Variants in DSCAM observed in about 807,000 individuals in gnomAD.
The protein encoded by DSCAM is DS cell adhesion molecule, also known as cell adhesion molecule DSCAM.
A neutral mutation model predicts 217.7 loss-of-function variants in DSCAM; 47 were observed. The ratio of observed to expected loss-of-function variants is 0.22; its 90% CI spans 0.17 to 0.28. DSCAM has a LOEUF of 0.28. DSCAM is among the 10% of genes least tolerant of loss of function. DSCAM has a pLI of 1.00. For synonymous variants in DSCAM, 1,056 were observed against 1,015.3 expected (o/e 1.04, Z -0.76); for missense variants, 2,080 against 2,618.3 (o/e 0.79, Z 4.49).
intron 1 of DSCAM, among the ~76,000 whole-genome samples, chr21:40,711,223 G>T (rs920301358): frequency 6.6e-6 from 1 of 152,194 alleles, no homozygotes; most frequent in Non-Finnish European, 1.5e-5. Context: ...TGTGCTTCCA[G>T]ATCTAGTCTT....
chr21:40,618,306 G>A (rs571860585), intron 3 of DSCAM, among the ~76,000 whole-genome samples: 3 of 152,340 alleles, frequency 2.0e-5, no homozygotes, highest in East Asian at 1.9e-4. Context: ...TGAGCTCTCC[G>A]TGGTCTTTGC....
At chr21:40,578,216 G>A (rs1194811744) in intron 3 of DSCAM, among the ~76,000 whole-genome samples, 1 of 152,082 alleles carries the variant, frequency 6.6e-6, no homozygotes, top group Non-Finnish European at 1.5e-5. Context: ...TCTGTGAATA[G>A]CCCAGAGACA....
chr21:40,370,902 C>T lies in DSCAM; in HGVS notation c.509-1657G>A, dbSNP rs1181403265. On this transcript the variant is annotated intron_variant, in intron 3 of 32. Transcript: ENST00000400454. ...CTCCCAAAGTGCCAGGGAGTGTAAT[C>T]CCTCCCAAAGTGGGATTACAGGCAT... is the stretch of plus-strand genomic sequence containing the variant. 2.6e-5 allele frequency among the ~76,000 whole-genome samples: 4 copies of T among 152,028 alleles called. No homozygotes were observed. The East Asian group carries it at 7.7e-4, about 29-fold the overall frequency.
intron 11 of DSCAM, among the ~76,000 whole-genome samples, chr21:40,213,470 C>T (rs2091206378): frequency 6.6e-6 from 1 of 152,246 alleles, no homozygotes; most frequent in Non-Finnish European, 1.5e-5. Flanking sequence ...GTTAGGAAGT[C>T]TTGTTTCCAC....
intron 11 of DSCAM, among the ~76,000 whole-genome samples, chr21:40,210,910 C>T (rs547783451): frequency 3.0e-4 from 46 of 152,122 alleles, no homozygotes; most frequent in Non-Finnish European, 5.1e-4. Flanking sequence ...TAGGTGTATA[C>T]TTCCGTTTAA....
chr21:40,761,170 T>C (rs1406153072), intron 1 of DSCAM, among the ~76,000 whole-genome samples: 1 of 152,186 alleles, frequency 6.6e-6, no homozygotes, highest in African/African-American at 2.4e-5. Context: ...GACTTTATCA[T>C]CCTTGAGTCT....
intron 26 of DSCAM, among the ~76,000 whole-genome samples, chr21:40,075,563 T>C (rs538205991): frequency 2.6e-5 from 4 of 152,304 alleles, no homozygotes; most frequent in Middle Eastern, 3.4e-3. Context: ...CACAGTACAA[T>C]TGATAGAGAC....
intron 32 of DSCAM, among the ~76,000 whole-genome samples, chr21:40,027,615 A>C (rs2088418237): frequency 1.7e-5 from 1 of 57,836 alleles, no homozygotes; most frequent in Non-Finnish European, 3.4e-5. Flanking sequence ...TTCTTGCTTC[A>C]TTTCATTCAT....
At chr21:40,481,819 A>G (rs867146029) in intron 3 of DSCAM, among the ~76,000 whole-genome samples, 3 of 152,198 alleles carry the variant, frequency 2.0e-5, no homozygotes, top group South Asian at 2.1e-4. Flanking sequence ...CTCTCCATCC[A>G]TAACAACCCG....
At chr21:40,275,019 G>A (rs553455693) in intron 11 of DSCAM, among the ~76,000 whole-genome samples, 6 of 151,946 alleles carry the variant, frequency 3.9e-5, no homozygotes, top group Non-Finnish European at 5.9e-5. Flanking sequence ...CAGAATTAAA[G>A]TTAAAAAAAA....
chr21:40,208,539 G>A (rs1277143039), intron 11 of DSCAM, among the ~76,000 whole-genome samples: 1 of 152,188 alleles, frequency 6.6e-6, no homozygotes, highest in Non-Finnish European at 1.5e-5. Context: ...CTGAGCTGTT[G>A]CTTTCATTGT....
At chr21:40,663,582 C>T (rs1020801151) in intron 3 of DSCAM, among the ~76,000 whole-genome samples, 2 of 152,136 alleles carry the variant, frequency 1.3e-5, no homozygotes, top group Non-Finnish European at 2.9e-5. Context: ...CCTCTGTGCC[C>T]CTAGACATGG....
intron 11 of DSCAM, among the ~76,000 whole-genome samples, chr21:40,273,478 C>T (rs1452518891): frequency 3.9e-5 from 6 of 152,158 alleles, no homozygotes; most frequent in African/African-American, 9.7e-5. Context: ...GTAGAACATT[C>T]GAACAGAGAG....
chr21:40,795,684 A>G (rs1023668217), intron 1 of DSCAM, among the ~76,000 whole-genome samples: 1 of 152,248 alleles, frequency 6.6e-6, no homozygotes, highest in African/African-American at 2.4e-5. Flanking sequence ...AATTCAGAGA[A>G]TAATCAGGGG....
chr21:40,748,967 A>G (rs994318267), intron 1 of DSCAM, among the ~76,000 whole-genome samples: 1 of 152,194 alleles, frequency 6.6e-6, no homozygotes, highest in Admixed American at 6.5e-5. Flanking sequence ...AGGCACCAGA[A>G]GTACTCATTG....
At position 40,016,865 on chromosome 21, in the gene DSCAM, C is replaced by T. The variant is rs544474781; in HGVS notation, c.5687-3479G>A. On this transcript the variant is annotated intron_variant, in intron 32 of 32. Transcript: ENST00000400454. The surrounding 1 kb of genome is among the most constrained non-coding windows in gnomAD (Gnocchi z 4.3). ...TATAAGAGAACTGGCCTGTAATCCC[C>T]GCCCACTTTGGGAGGCCTAGGCAAT... Among the ~76,000 whole-genome samples, 78 of 152,132 alleles carry T rather than the reference C, an allele frequency of 5.1e-4. No individual in the cohort carries two copies. The highest frequency in any genetic ancestry group is 9.6e-4 in the Non-Finnish European group (65 of 68,024).
At chr21:40,140,138 G>C (rs146025923) in intron 18 of DSCAM, among the ~76,000 whole-genome samples, 1 of 152,096 alleles carries the variant, frequency 6.6e-6, no homozygotes, top group Non-Finnish European at 1.5e-5. Flanking sequence ...GTAGCCCCGT[G>C]AACTGACCTG....
intron 1 of DSCAM, among the ~76,000 whole-genome samples, chr21:40,752,329 G>T (rs1303770628): frequency 6.6e-6 from 1 of 152,052 alleles, no homozygotes; most frequent in Non-Finnish European, 1.5e-5. Context: ...CCCTAGGTCG[G>T]CTTAATGAGG....
intron 1 of DSCAM, among the ~76,000 whole-genome samples, chr21:40,833,644 A>C (rs550841447): frequency 2.0e-5 from 3 of 152,366 alleles, no homozygotes; most frequent in African/African-American, 7.2e-5. Context: ...AAGAAAAGAA[A>C]GAAAATAGCA....
Sources: gnomAD v4.1 joint callset for allele counts (sites outside exome capture counted in the v4.1 genomes callset) on GRCh38, gnomAD v4.1.1 for gene constraint, Gnocchi (gnomAD v3.1) non-coding constraint, MANE v1.5 for transcripts, NCBI Gene and HGNC (gene_info 2026-07-23, HGNC 2026-07-21) for gene names.